DIP2C: variants seen among roughly 807,000 people sequenced by gnomAD.
DIP2C encodes disco-interacting protein 2 homolog C.
In DIP2C, 33 loss-of-function variants were observed where a neutral mutation model predicts 192.4. The observed-to-expected ratio is 0.17, with a 90% confidence interval of 0.13 to 0.23. The LOEUF (loss-of-function observed/expected upper bound fraction) is 0.23. DIP2C is among the 10% of genes least tolerant of loss of function. The probability of loss-of-function intolerance (pLI) is 1.00; values close to 1 mark genes in which losing one functional copy is unlikely to be tolerated. For synonymous variants in DIP2C, 979 were observed against 864.1 expected, an observed-to-expected ratio of 1.13 and a Z score of -2.33; for missense variants, 1,537 against 2,110.1, an observed-to-expected ratio of 0.73 and a Z score of 5.32.
chr10:347,599 T>A (rs1958559485), intron 26 of DIP2C, among the ~76,000 whole-genome samples: 1 of 117,298 alleles, frequency 8.5e-6, no homozygotes, highest in Admixed American at 9.4e-5. Flanking sequence ...CGCGCATAGT[T>A]CTCCCGGAAA....
chr10:424,654 G>A (rs778342060), intron 4 of DIP2C, among the ~76,000 whole-genome samples: 83 of 152,154 alleles, frequency 5.5e-4, no homozygotes, highest in African/African-American at 1.2e-3. Context: ...CTGAGCCACC[G>A]CTCCTGGCCC....
intron 6 of DIP2C, among the ~76,000 whole-genome samples, chr10:418,416 T>A (rs1276180700): frequency 6.6e-6 from 1 of 151,678 alleles, no homozygotes; most frequent in Non-Finnish European, 1.5e-5. Context: ...CCATGCAGCT[T>A]CACACAAGGG....
intron 7 of DIP2C, 118 bp downstream of exon 7, chr10:415,651 G>T: frequency 7.1e-7 from 1 of 1,404,474 alleles, no homozygotes; most frequent in South Asian, 1.3e-5. Context: ...TTCCCATCAT[G>T]CGGCAAATGC....
At chr10:414,196 G>C in intron 7 of DIP2C, 86 bp from the exon 8 acceptor site, 1 of 1,421,352 alleles carries the variant, frequency 7.0e-7, no homozygotes, top group South Asian at 1.4e-5. Context: ...GAAGCCAAGA[G>C]ATTTATACTT....
chr10:442,486 T>C (rs188352281), intron 3 of DIP2C, among the ~76,000 whole-genome samples: 210 of 152,306 alleles, frequency 1.4e-3, no homozygotes, highest in African/African-American at 4.5e-3. Flanking sequence ...GGTGACACAG[T>C]CCACTCACTT....
chr10:431,799 T>A (rs1302622524), intron 4 of DIP2C, among the ~76,000 whole-genome samples: 1 of 152,212 alleles, frequency 6.6e-6, no homozygotes, highest in Admixed American at 6.5e-5. Flanking sequence ...AGAGGAGACA[T>A]CCTTGTTTTT....
intron 1 of DIP2C, among the ~76,000 whole-genome samples, chr10:583,040 A>G (rs1850765392): frequency 6.6e-6 from 1 of 152,256 alleles, no homozygotes; most frequent in Admixed American, 6.5e-5. Flanking sequence ...CAGTTGCCAC[A>G]TATTTTCACA....
At chr10:373,577 T>C (rs559476437) in intron 17 of DIP2C, among the ~76,000 whole-genome samples, 3 of 152,148 alleles carry the variant, frequency 2.0e-5, no homozygotes, top group African/African-American at 4.8e-5. Flanking sequence ...CTTGTGGTCT[T>C]TGGAACACCA....
chr10:476,366 C>T (rs113918940), intron 2 of DIP2C, among the ~76,000 whole-genome samples: 108 of 152,290 alleles, frequency 7.1e-4, no homozygotes, highest in African/African-American at 2.6e-3. Context: ...TGGCTCCTGT[C>T]ATTCTGTGGG....
At chr10:307,775 G>A (rs533473793) in intron 32 of DIP2C, among the ~76,000 whole-genome samples, 28 of 152,334 alleles carry the variant, frequency 1.8e-4, no homozygotes, top group Non-Finnish European at 3.5e-4. Context: ...GAGAAAGAGC[G>A]GCACACGGTC....
chr10:664,636 G>C (rs939541003), intron 1 of DIP2C: 1 of 152,166 alleles, frequency 6.6e-6, no homozygotes, highest in Non-Finnish European at 1.5e-5. Context: ...TTGGTACTAA[G>C]AGTTGTAAGG....
intron 29 of DIP2C, among the ~76,000 whole-genome samples, chr10:330,706 G>A (rs568799576): frequency 1.5e-4 from 23 of 150,278 alleles, no homozygotes; most frequent in African/African-American, 3.4e-4. Flanking sequence ...CTTGAACTTC[G>A]GGGCTCAAGC....
rs1340645757 is a variant in DIP2C at position 419,197 on chromosome 10, T to C, written c.607A>G (p.Asn203Asp). Residue 203 changes from asparagine to aspartate, a missense_variant and splice_region_variant, in exon 6 of 37, where the codon AAT (asparagine) becomes GAT (aspartate). Transcript: ENST00000280886. The stretch of plus-strand genomic sequence containing the variant: ...GTTACGTCAGGAGGTGCAGAATGAT[T>C]TTCTGTAAAGAAACACATCATGAGA... ...ADVMAQTHIE[N>D]HSAPPDVTTY... The C allele has an allele frequency of 6.2e-7, 1 of 1,614,210 alleles. No individual in the cohort carries two copies. The highest frequency in any genetic ancestry group is 1.1e-5 in the South Asian group (1 of 91,080).
intron 1 of DIP2C, among the ~76,000 whole-genome samples, chr10:569,688 G>A (rs1849664388): frequency 1.3e-5 from 2 of 152,044 alleles, no homozygotes; most frequent in South Asian, 4.1e-4. Context: ...AAAATGGAGA[G>A]ACTTCTTACT....
intron 3 of DIP2C, among the ~76,000 whole-genome samples, chr10:463,632 A>C (rs1564743595): frequency 6.6e-6 from 1 of 152,214 alleles, no homozygotes; most frequent in Non-Finnish European, 1.5e-5. Flanking sequence ...ACAGAATTGG[A>C]AAAAACTACT....
chr10:387,681 G>A, intron 14 of DIP2C, 64 bp downstream of exon 14: 1 of 1,476,910 alleles, frequency 6.8e-7, no homozygotes, highest in South Asian at 1.1e-5. Flanking sequence ...ACTCCTGTGT[G>A]GACAGGCAGG....
chr10:452,021 G>A (rs1462833099), intron 3 of DIP2C, among the ~76,000 whole-genome samples: 1 of 152,136 alleles, frequency 6.6e-6, no homozygotes, highest in Non-Finnish European at 1.5e-5. Flanking sequence ...AGCACACCCA[G>A]CTCGGGGCGA....
rs191501497 is a variant in DIP2C at position 358,916 on chromosome 10, G to A, written c.2795-979C>T. On this transcript the variant is annotated intron_variant, in intron 22 of 36. Coordinates refer to ENST00000280886, the MANE Select transcript of DIP2C (RefSeq NM_014974.3). ...AAAGAATTGCAGGTAAAATAACAAT[G>A]ATATGATCAATTTATGCCTAATCCT... Among the ~76,000 whole-genome samples, 632 of 151,940 alleles carry A rather than the reference G, an allele frequency of 4.2e-3. 4 individuals are homozygous for A. The highest frequency in any genetic ancestry group is 4.8e-3 in the Non-Finnish European group (325 of 67,960).
At chr10:615,681 C>A (rs948770732) in intron 1 of DIP2C, among the ~76,000 whole-genome samples, 1 of 152,104 alleles carries the variant, frequency 6.6e-6, no homozygotes, top group Non-Finnish European at 1.5e-5. Flanking sequence ...CGCATTTCAC[C>A]GACAGATGAC....
Sources: allele counts gnomAD v4.1 joint callset (sites outside exome capture counted in the v4.1 genomes callset), GRCh38; gene constraint gnomAD v4.1.1; transcripts MANE v1.5; gene names NCBI Gene and HGNC (gene_info 2026-07-23, HGNC 2026-07-21).